TTC13: variants seen among roughly 807,000 people sequenced by gnomAD.
TTC13 encodes tetratricopeptide repeat domain 13.
In TTC13, 62 loss-of-function variants were observed where a neutral mutation model predicts 120.0. The observed-to-expected ratio is 0.52, with a 90% CI of 0.42 to 0.64. The LOEUF (loss-of-function observed/expected upper bound fraction) is 0.64, where lower values mean the gene tolerates loss of function less well. TTC13 is among the 30% of genes least tolerant of loss of function. TTC13 has a pLI of 0.00. For missense variants in TTC13, 824 were observed against 1,050.2 expected (o/e 0.78, Z 2.98); for synonymous variants, 384 against 393.5 (o/e 0.98, Z 0.28).
At chr1:230,928,857 G>T in intron 12 of TTC13, 80 bp downstream of exon 12, 1 of 1,467,264 alleles carries the variant, frequency 6.8e-7, no homozygotes. Flanking sequence ...CAAGTAGCAG[G>T]GAGTAGCGTG....
At chr1:230,951,501 A>T (rs1425401617) in intron 4 of TTC13, among the ~76,000 whole-genome samples, 1 of 152,190 alleles carries the variant, frequency 6.6e-6, no homozygotes, top group Non-Finnish European at 1.5e-5. Context: ...GCATTTTTGC[A>T]TATCTAGAAG....
At chr1:230,952,539 T>C (rs528982893) in intron 4 of TTC13, among the ~76,000 whole-genome samples, 1 of 152,334 alleles carries the variant, frequency 6.6e-6, no homozygotes, top group African/African-American at 2.4e-5. Flanking sequence ...ATTTCCCAGC[T>C]GAAAGCAACC....
At chr1:230,943,355 G>A (rs1466229125) in intron 6 of TTC13, among the ~76,000 whole-genome samples, 2 of 151,722 alleles carry the variant, frequency 1.3e-5, no homozygotes, top group African/African-American at 2.4e-5. Context: ...ACAATAGACT[G>A]GATTAAGAAA....
intron 1 of TTC13, among the ~76,000 whole-genome samples, chr1:230,975,594 AAAT>A (rs1678210091): frequency 6.6e-6 from 1 of 152,232 alleles, no homozygotes; most frequent in Non-Finnish European, 1.5e-5. Flanking sequence ...CATTTTTTTA[AAAT>A]AATATTTTTT....
At position 230,941,322 on chromosome 1, in the gene TTC13, G is replaced by GTC. The variant is rs530713267; in HGVS notation, c.673-768_673-767dup. ...ATTTTGTTGTTGTTTTAGAGACAGG[G>GTC]TCTCACTCTGTCACCCAAGCTGGAA... On this transcript the variant is annotated intron_variant, in intron 6 of 22. Coordinates refer to ENST00000366661, the MANE Select transcript of TTC13 (RefSeq NM_024525.5). Among the ~76,000 whole-genome samples, 629 of 152,244 alleles carry GTC rather than the reference G, an allele frequency of 4.1e-3. 3 individuals are homozygous for GTC. Among genetic ancestry groups the GTC allele is most frequent in the South Asian group, 0.017 (84 of 4,824 alleles).
Position 230,909,001 on chromosome 1 carries a change from T to A in TTC13, c.2329A>T (p.Ile777Phe). The change falls in exon 21 of 23, where the codon ATC (isoleucine) becomes TTC (phenylalanine). Residue 777 changes from isoleucine to phenylalanine, a missense_variant. Ile to Phe is a conservative substitution (Grantham distance 21). Coordinates refer to ENST00000366661, the MANE Select transcript of TTC13 (RefSeq NM_024525.5). ...CCACTTGCCATCAGTGCTCCCACGA[T>A]GACCGAGTAAGCAATTACACTATTT... ...RGSSVIAYSV[I>F]VGALMASGKE... 6.2e-7 allele frequency: 1 copy of A among 1,614,248 alleles called. No individual in the cohort carries two copies. Among genetic ancestry groups the A allele is most frequent in the Non-Finnish European group, 8.5e-7 (1 of 1,180,038 alleles).
chr1:230,918,059 T>C (rs1672215453), intron 17 of TTC13, among the ~76,000 whole-genome samples: 1 of 152,198 alleles, frequency 6.6e-6, no homozygotes, highest in Non-Finnish European at 1.5e-5. Context: ...ACACATAATG[T>C]ATGATTTTCT....
At chr1:230,912,875 A>C in intron 18 of TTC13, 117 bp from the exon 19 acceptor site, 1 of 886,192 alleles carries the variant, frequency 1.1e-6, no homozygotes, top group Non-Finnish European at 1.7e-6. Context: ...ATATACAAGA[A>C]TGTACCTTAC....
At chr1:230,911,610 G>C in intron 19 of TTC13, 61 bp from the exon 20 acceptor site, 1 of 1,060,094 alleles carries the variant, frequency 9.4e-7, no homozygotes, top group East Asian at 2.6e-5. Context: ...TTTTTCATTA[G>C]GTGACAGAAC....
At chr1:230,967,829 A>C (rs1021360946) in intron 1 of TTC13, among the ~76,000 whole-genome samples, 5 of 152,254 alleles carry the variant, frequency 3.3e-5, no homozygotes, top group African/African-American at 1.2e-4. Flanking sequence ...CCAGCTGTAC[A>C]TAAATAGTAT....
chr1:230,946,523 C>A (rs1349105162), intron 4 of TTC13, among the ~76,000 whole-genome samples: 2 of 152,214 alleles, frequency 1.3e-5, no homozygotes, highest in Non-Finnish European at 2.9e-5. Flanking sequence ...TGGCATATCG[C>A]TGGCCACAAC....
At chr1:230,945,819 T>G (rs1674938231) in intron 4 of TTC13, among the ~76,000 whole-genome samples, 1 of 152,188 alleles carries the variant, frequency 6.6e-6, no homozygotes, top group Non-Finnish European at 1.5e-5. Flanking sequence ...GGTAAAGAGA[T>G]GTGAGCAAAG....
rs759230265 is a variant in TTC13, at chr1:230,931,767, C to T, written c.1094G>A (p.Gly365Asp). ...QLRGMMLYHH[G>D]SLQEALKNFK... ...GTTCTTAAGGGCTTCCTGTAAGCTG[C>T]CGTGGTGGTAGAGCATCATTCCCCG... Residue 365 changes from glycine (G) to aspartate (D), a missense_variant, in exon 10 of 23, where the codon GGC becomes GAC. Gly to Asp is a moderately conservative substitution (Grantham distance 94). Transcript: ENST00000366661. The T allele has an allele frequency of 1.2e-6, 2 of 1,614,104 alleles. No homozygotes were observed. The highest frequency in any genetic ancestry group is 1.7e-6 in the Non-Finnish European group (2 of 1,180,024).
At chr1:230,907,546 A>C (rs1671048973) in intron 22 of TTC13, among the ~76,000 whole-genome samples, 1 of 152,270 alleles carries the variant, frequency 6.6e-6, no homozygotes, top group Non-Finnish European at 1.5e-5. Context: ...ATTATGTAAG[A>C]ATAGAAGCAA....
rs538947495 is a variant in TTC13, at chr1:230,940,931, C to T, written c.673-375G>A. 1.8e-4 allele frequency among the ~76,000 whole-genome samples: 27 copies of T among 152,244 alleles called. No individual in the cohort carries two copies. In the South Asian group the frequency reaches 5.2e-3, roughly 29 times the overall value. On this transcript the variant is annotated intron_variant, in intron 6 of 22. Transcript: ENST00000366661. This position sits in a 1 kb window ranked among gnomAD's most constrained non-coding sequence, Gnocchi z 4.1. ...ATTAACCTGAAAGATAACTTTGAAC[C>T]ATTAAAATAGACAAATTATCGGACA...
At chr1:230,965,105 C>T (rs1192911276) in intron 1 of TTC13, among the ~76,000 whole-genome samples, 1 of 152,110 alleles carries the variant, frequency 6.6e-6, no homozygotes, top group Non-Finnish European at 1.5e-5. Context: ...ACACAGGCAA[C>T]CAAAGCAAAC....
intron 13 of TTC13, 83 bp from the exon 14 acceptor site, chr1:230,925,056 T>C: frequency 9.0e-6 from 14 of 1,550,530 alleles, no homozygotes; most frequent in Non-Finnish European, 1.2e-5. Context: ...CAGTGATAAC[T>C]CAAGAGTTAA....
intron 19 of TTC13, among the ~76,000 whole-genome samples, chr1:230,912,367 C>G (rs1166269066): frequency 6.6e-6 from 1 of 152,124 alleles, no homozygotes; most frequent in Non-Finnish European, 1.5e-5. Context: ...TATGGACCAG[C>G]TTTTTTATAT....
chr1:230,946,286 T>C (rs994173243), intron 4 of TTC13, among the ~76,000 whole-genome samples: 1 of 152,206 alleles, frequency 6.6e-6, no homozygotes, highest in Non-Finnish European at 1.5e-5. Flanking sequence ...AGGGATTTAA[T>C]AGAATGGCAC....
Sources: gnomAD v4.1 joint callset for allele counts (sites outside exome capture counted in the v4.1 genomes callset) on GRCh38, gnomAD v4.1.1 for gene constraint, Gnocchi (gnomAD v3.1) non-coding constraint, MANE v1.5 for transcripts, NCBI Gene and HGNC (gene_info 2026-07-23, HGNC 2026-07-21) for gene names.